Variants in NSUN6 observed in about 807,000 individuals in gnomAD.
NSUN6 encodes tRNA (cytosine(72)-C(5))-methyltransferase NSUN6.
NSUN6 carries 64 observed loss-of-function variants against 58.0 expected under a neutral mutation model. That is an observed-to-expected ratio of 1.10 (90% confidence interval 0.90 to 1.36). The LOEUF (loss-of-function observed/expected upper bound fraction) is 1.36. Among genes scored for constraint, NSUN6 ranks in the 40% most tolerant of loss-of-function variants. The pLI, the probability that NSUN6 is intolerant of heterozygous loss-of-function variation, is 0.00. For missense variants in NSUN6, 701 were observed against 550.1 expected (o/e 1.27, Z -2.74); for synonymous variants, 231 against 193.9 (o/e 1.19, Z -1.59).
chr10:18,633,796 A>G (rs186585661), intron 3 of NSUN6, among the ~76,000 whole-genome samples: 1 of 152,318 alleles, frequency 6.6e-6, no homozygotes, highest in East Asian at 1.9e-4. Context: ...AAGAAAAGAG[A>G]AAAGAAATAC....
At chr10:18,585,060 G>C (rs1441627618) in intron 8 of NSUN6, among the ~76,000 whole-genome samples, 1 of 148,528 alleles carries the variant, frequency 6.7e-6, no homozygotes. Flanking sequence ...GTTTATGAAA[G>C]AATGCCCAAT....
chr10:18,554,187 G>C (rs1023788548), intron 8 of NSUN6, among the ~76,000 whole-genome samples: 8 of 151,686 alleles, frequency 5.3e-5, no homozygotes, highest in African/African-American at 1.9e-4. Context: ...GAATGGAATG[G>C]AATGGGGAAT....
chr10:18,621,176 G>A (rs898305599), intron 3 of NSUN6, among the ~76,000 whole-genome samples: 12 of 152,200 alleles, frequency 7.9e-5, no homozygotes, highest in Admixed American at 6.5e-4. Context: ...GTACCAGGCA[G>A]TGGGAATCTA....
intron 5 of NSUN6, among the ~76,000 whole-genome samples, chr10:18,610,172 T>C (rs772283428): frequency 2.0e-5 from 3 of 151,838 alleles, no homozygotes; most frequent in Non-Finnish European, 4.4e-5. Context: ...ATACAAAAAA[T>C]TAGCCAAGCG....
chr10:18,617,176 G>A (rs1037771190), intron 3 of NSUN6, among the ~76,000 whole-genome samples: 1 of 146,450 alleles, frequency 6.8e-6, no homozygotes, highest in Non-Finnish European at 1.5e-5. Flanking sequence ...CTAATGTTTA[G>A]CCTTTCTAGT....
upstream of NSUN6, chr10:18,655,246 G>T: frequency 3.3e-6 from 2 of 598,724 alleles, no homozygotes; most frequent in Non-Finnish European, 4.2e-6. Flanking sequence ...AGTTTAGCAG[G>T]GTTCCTGGGC....
At chr10:18,649,032 C>T (rs546798609) in intron 1 of NSUN6, among the ~76,000 whole-genome samples, 4 of 152,256 alleles carry the variant, frequency 2.6e-5, no homozygotes, top group South Asian at 2.1e-4. Context: ...GTTAGTTGGA[C>T]GTTAGCTAAT....
rs774577958 is a variant in NSUN6 at position 18,614,545 on chromosome 10, C to A, written c.490G>T (p.Glu164Ter). The change falls in exon 5 of 11, where the codon GAA (glutamate) becomes TAA (stop). Residue 164 changes from glutamate (E) to a stop codon, truncating the protein, a stop_gained. Transcript: ENST00000377304. LOFTEE classifies it high-confidence loss of function. ...AGAAATACTTTTGTTCCATCAAATT[C>A]TTTGGCTCCTTTCTTACATTTTCCT... The part of the protein sequence containing the change: ...IKGKCKKGAK[E>*]FDGTKVFLGN... 6.5e-7 allele frequency: 1 copy of A among 1,528,542 alleles called. No homozygotes were observed. Among genetic ancestry groups the A allele is most frequent in the Admixed American group, 2.0e-5 (1 of 49,016 alleles). 94.7% of individuals were successfully genotyped at this position (1,528,542 alleles called of 1,614,324 possible).
intron 5 of NSUN6, 95 bp downstream of exon 5, chr10:18,614,365 T>G: frequency 1.4e-6 from 1 of 700,850 alleles, no homozygotes; most frequent in South Asian, 4.4e-5. Context: ...AAAAAAAAAT[T>G]TCATATAATG....
At chr10:18,581,056 A>G (rs1237942584) in intron 8 of NSUN6, among the ~76,000 whole-genome samples, 1 of 152,182 alleles carries the variant, frequency 6.6e-6, no homozygotes, top group African/African-American at 2.4e-5. Context: ...GTATGCTGAC[A>G]TACTTCTGGG....
intron 3 of NSUN6, among the ~76,000 whole-genome samples, chr10:18,622,037 GACAC>G (rs370576076): frequency 1.1e-4 from 17 of 148,424 alleles, no homozygotes; most frequent in South Asian, 2.1e-4. Context: ...ATATACGAAT[GACAC>G]ACACACACAC....
chr10:18,561,284 A>T (rs1359571958), intron 8 of NSUN6, among the ~76,000 whole-genome samples: 1 of 80,644 alleles, frequency 1.2e-5, no homozygotes, highest in African/African-American at 4.3e-5. Context: ...GGAGGATGGT[A>T]TGGAAAATGG....
chr10:18,566,501 C>A (rs2055960813), intron 8 of NSUN6, among the ~76,000 whole-genome samples: 1 of 147,762 alleles, frequency 6.8e-6, no homozygotes, highest in East Asian at 2.0e-4. Context: ...CATTCCATTC[C>A]ATTCTCCATT....
chr10:18,629,091 G>A (rs895954371), intron 3 of NSUN6, among the ~76,000 whole-genome samples: 2 of 152,252 alleles, frequency 1.3e-5, no homozygotes, highest in African/African-American at 4.8e-5. Context: ...GAGAGTGGGG[G>A]CAAATATTCA....
chr10:18,573,985 TAATC>T (rs2056524698), intron 8 of NSUN6, among the ~76,000 whole-genome samples: 1 of 152,090 alleles, frequency 6.6e-6, no homozygotes, highest in Non-Finnish European at 1.5e-5. Context: ...CTGAGGAAGT[TAATC>T]AAGTCGAGGA....
At chr10:18,606,629 G>GA (rs765805239) in intron 6 of NSUN6, among the ~76,000 whole-genome samples, 123 of 152,274 alleles carry the variant, frequency 8.1e-4, no homozygotes, top group Non-Finnish European at 1.4e-3. Context: ...ATTACCCTTA[G>GA]GAGAAACTGG....
chr10:18,587,688 T>TG (rs1456258713), intron 7 of NSUN6, among the ~76,000 whole-genome samples: 9 of 152,068 alleles, frequency 5.9e-5, no homozygotes, highest in Non-Finnish European at 1.0e-4. Flanking sequence ...TGCAAGCAGC[T>TG]GGGGGGCCTC....
At chr10:18,651,600 C>G, upstream of NSUN6, 2 of 988,064 alleles carry the variant, frequency 2.0e-6, no homozygotes, top group South Asian at 4.7e-5. Flanking sequence ...TTTCCAAACA[C>G]GCGCCCCCTA....
At chr10:18,630,513 C>A (rs2058989688) in intron 3 of NSUN6, among the ~76,000 whole-genome samples, 1 of 151,700 alleles carries the variant, frequency 6.6e-6, no homozygotes, top group Non-Finnish European at 1.5e-5. Context: ...GCTAGCAAGA[C>A]TAATAAAGAA....
Sources: allele counts gnomAD v4.1 joint callset (sites outside exome capture counted in the v4.1 genomes callset), GRCh38; gene constraint gnomAD v4.1.1; transcripts MANE v1.5; gene names NCBI Gene and HGNC (gene_info 2026-07-23, HGNC 2026-07-21).